RNF169: variants seen among roughly 807,000 people sequenced by gnomAD.
The protein encoded by RNF169 is ring finger protein 169.
RNF169 carries 24 observed loss-of-function variants against 53.9 expected under a neutral mutation model. That is an observed-to-expected ratio of 0.45 (90% CI 0.32 to 0.63). The LOEUF (loss-of-function observed/expected upper bound fraction) is 0.63, where lower values mean the gene tolerates loss of function less well. Among genes scored for constraint, RNF169 ranks in the 20% least tolerant of loss-of-function variants. The pLI is 0.04. For missense variants in RNF169, 883 were observed against 906.2 expected, an observed-to-expected ratio of 0.97 and a Z score of 0.33; for synonymous variants, 396 against 363.5, an observed-to-expected ratio of 1.09 and a Z score of -1.02.
intron 2 of RNF169, among the ~76,000 whole-genome samples, chr11:74,799,061 GAAAAA>G (rs528246759): frequency 1.2e-5 from 1 of 82,624 alleles, no homozygotes; most frequent in Non-Finnish European, 2.4e-5. Flanking sequence ...CTCAAAAAAA[GAAAAA>G]AAAAAAAAGA....
At chr11:74,795,219 C>CTT (rs71471318) in intron 2 of RNF169, among the ~76,000 whole-genome samples, 1 of 118,910 alleles carries the variant, frequency 8.4e-6, no homozygotes, top group African/African-American at 3.1e-5. Context: ...TGTAGATACT[C>CTT]TTTTTTTTTT....
intron 1 of RNF169, among the ~76,000 whole-genome samples, chr11:74,758,573 C>T (rs1423388570): frequency 6.6e-6 from 1 of 151,508 alleles, no homozygotes; most frequent in Non-Finnish European, 1.5e-5. Context: ...GGGATCTCGG[C>T]TCACTGCAAG....
chr11:74,783,184 C>T (rs2035442338), intron 1 of RNF169, among the ~76,000 whole-genome samples: 1 of 151,604 alleles, frequency 6.6e-6, no homozygotes, highest in Admixed American at 6.6e-5. Context: ...TTGGCAATGA[C>T]ACTTCATTCC....
chr11:74,835,160 T>G (rs2036234660), intron 5 of RNF169, among the ~76,000 whole-genome samples: 1 of 152,082 alleles, frequency 6.6e-6, no homozygotes, highest in African/African-American at 2.4e-5. Context: ...ATTTTTAAAT[T>G]TTTTTGTAGA....
intron 2 of RNF169, among the ~76,000 whole-genome samples, chr11:74,809,598 T>C (rs2035848152): frequency 6.6e-6 from 1 of 152,224 alleles, no homozygotes; most frequent in African/African-American, 2.4e-5. Context: ...GGCAGGCGGA[T>C]TGCTTGAGCC....
In RNF169 at chr11:74,836,611, C is replaced by T. The variant is rs748210539; in HGVS notation, c.2008C>T (p.Arg670Ter). The T allele has an allele frequency of 3.7e-5, 60 of 1,613,934 alleles. No individual in the cohort carries two copies. The highest frequency in any genetic ancestry group is 5.1e-5 in the Non-Finnish European group (60 of 1,180,048). The change falls in exon 6 of 6, where the codon CGA (arginine) becomes TGA (stop). Residue 670 changes from arginine (R) to a stop codon, truncating the protein, a stop_gained. Coordinates refer to ENST00000299563, the MANE Select transcript of RNF169 (RefSeq NM_001098638.2). LOFTEE classifies it high-confidence loss of function. ...EQKLQQEEED[R>*]QLALQLQRMF... ...GAAGCTTCAGCAAGAGGAAGAAGACCGACAGTTGGCTCTGCAGTTGCAGCG... is the reference window on the plus strand; with the variant it reads ...GAAGCTTCAGCAAGAGGAAGAAGACTGACAGTTGGCTCTGCAGTTGCAGCG...
At chr11:74,779,007 A>G (rs1273365111) in intron 1 of RNF169, among the ~76,000 whole-genome samples, 1 of 152,218 alleles carries the variant, frequency 6.6e-6, no homozygotes, top group African/African-American at 2.4e-5. Flanking sequence ...AAAGTATACA[A>G]TTTTAGTGAC....
intron 1 of RNF169, among the ~76,000 whole-genome samples, chr11:74,787,174 A>T (rs1342904309): frequency 6.6e-6 from 1 of 152,190 alleles, no homozygotes; most frequent in East Asian, 1.9e-4. Context: ...CAAACATAAT[A>T]AAAAACGCAG....
At chr11:74,772,390 A>G (rs2035272453) in intron 1 of RNF169, among the ~76,000 whole-genome samples, 1 of 152,098 alleles carries the variant, frequency 6.6e-6, no homozygotes, top group Non-Finnish European at 1.5e-5. Context: ...TAAGGCTTAA[A>G]TAAGAATATG....
chr11:74,782,020 G>C (rs2035423655), intron 1 of RNF169, among the ~76,000 whole-genome samples: 1 of 152,180 alleles, frequency 6.6e-6, no homozygotes, highest in Admixed American at 6.5e-5. Flanking sequence ...ATGGAAATTA[G>C]CCTTTTATTA....
intron 1 of RNF169, among the ~76,000 whole-genome samples, chr11:74,762,485 G>A (rs1039035543): frequency 2.1e-4 from 32 of 152,302 alleles, no homozygotes; most frequent in Admixed American, 7.8e-4. Context: ...GGTTTTCGGT[G>A]TGGATGTCCT....
At chr11:74,754,920 G>T (rs1284058708) in intron 1 of RNF169, among the ~76,000 whole-genome samples, 4 of 152,138 alleles carry the variant, frequency 2.6e-5, no homozygotes, top group Non-Finnish European at 5.9e-5. Context: ...TTCACTTAGG[G>T]TTAACATTTC....
At chr11:74,753,713 GTTC>G (rs1200123100) in intron 1 of RNF169, among the ~76,000 whole-genome samples, 3 of 152,014 alleles carry the variant, frequency 2.0e-5, no homozygotes, top group Non-Finnish European at 4.4e-5. Flanking sequence ...TTTAAGTGAC[GTTC>G]TTAATTTTTT....
intron 2 of RNF169, among the ~76,000 whole-genome samples, chr11:74,794,701 GAA>G (rs1485881004): frequency 1.3e-5 from 2 of 152,182 alleles, no homozygotes; most frequent in Admixed American, 1.3e-4. Flanking sequence ...TAGTTGGAGA[GAA>G]ATTAAAATTT....
At chr11:74,801,561 GA>G (rs2035729480) in intron 2 of RNF169, among the ~76,000 whole-genome samples, 2 of 152,158 alleles carry the variant, frequency 1.3e-5, no homozygotes, top group Admixed American at 6.5e-5. Context: ...TTCCTTTCAT[GA>G]CCCCCATATG....
intron 4 of RNF169, among the ~76,000 whole-genome samples, chr11:74,818,857 CT>C (rs1454555713): frequency 6.6e-6 from 1 of 152,048 alleles, no homozygotes; most frequent in Non-Finnish European, 1.5e-5. Flanking sequence ...CATTTTGGGG[CT>C]TTTTTGTTTG....
At position 74,763,246 on chromosome 11, in the gene RNF169, G is replaced by A. The variant is rs1004816166; in HGVS notation, c.502+13864G>A. Among the ~76,000 whole-genome samples, 4 of 152,264 alleles carry A rather than the reference G, an allele frequency of 2.6e-5. No individual in the cohort carries two copies. In the South Asian group the frequency reaches 6.2e-4, roughly 24 times the overall value. On this transcript the variant is annotated intron_variant, in intron 1 of 5. Transcript: ENST00000299563. ...GACAGGAAAAGACTCTGAGAGGTACGTCCATACCTTAGACCTCAAGGGATT... is the reference window on the plus strand; with the variant it reads ...GACAGGAAAAGACTCTGAGAGGTACATCCATACCTTAGACCTCAAGGGATT...
intron 1 of RNF169, among the ~76,000 whole-genome samples, chr11:74,760,199 CTT>C (rs899451730): frequency 6.6e-6 from 1 of 151,300 alleles, no homozygotes; most frequent in Admixed American, 6.6e-5. Flanking sequence ...ATTCTTCTCT[CTT>C]TTTTTCTTTA....
At chr11:74,795,219 C>T (rs1422598280) in intron 2 of RNF169, among the ~76,000 whole-genome samples, 1 of 118,912 alleles carries the variant, frequency 8.4e-6, no homozygotes, top group African/African-American at 3.1e-5. Flanking sequence ...TGTAGATACT[C>T]TTTTTTTTTT....
Sources: allele counts gnomAD v4.1 joint callset (sites outside exome capture counted in the v4.1 genomes callset), GRCh38; gene constraint gnomAD v4.1.1; transcripts MANE v1.5; gene names NCBI Gene and HGNC (gene_info 2026-07-23, HGNC 2026-07-21).